Variants in GPHN observed in about 807,000 individuals in gnomAD.
The protein encoded by GPHN is gephyrin.
Under a neutral mutation model 95.5 loss-of-function variants are expected in GPHN, and 17 were observed. The observed-to-expected ratio is 0.18, with a 90% CI of 0.12 to 0.27. The LOEUF (loss-of-function observed/expected upper bound fraction) is 0.27, where lower values mean the gene tolerates loss of function less well. Ranked by LOEUF, GPHN falls within the 10% of genes least tolerant of loss-of-function variation. The probability of loss-of-function intolerance (pLI) is 1.00; values close to 1 mark genes in which losing one functional copy is unlikely to be tolerated. For synonymous variants in GPHN, 320 were observed against 322.5 expected (o/e 0.99, Z 0.08); for missense variants, 660 against 978.1 (o/e 0.67, Z 4.34).
At chr14:67,320,354 G>C in the GPHN span, 147 of 1,612,000 alleles carry the variant, frequency 9.1e-5, no homozygotes, top group Non-Finnish European at 1.2e-4. Context: ...TGCGTCAGAG[G>C]CTCATGAACA....
chr14:67,396,886 C>T, the GPHN span, among the ~76,000 whole-genome samples: 1 of 152,152 alleles, frequency 6.6e-6, no homozygotes, highest in African/African-American at 2.4e-5. Context: ...TTGATTCCTC[C>T]ATGCCTTGCA....
intron 17 of GPHN, among the ~76,000 whole-genome samples, chr14:67,134,933 TTTCTCTTTCTTTCTTTCTTC>T (rs2079961848): frequency 6.7e-6 from 1 of 148,554 alleles, no homozygotes; most frequent in Non-Finnish European, 1.5e-5. Flanking sequence ...TCTCTCTTTT[TTTCTCTTTCTTTCTTTCTTC>T]TTTTTTTTTT....
At chr14:67,235,444 G>A in the GPHN span, among the ~76,000 whole-genome samples, 9 of 152,178 alleles carry the variant, frequency 5.9e-5, no homozygotes, top group East Asian at 1.4e-3. Context: ...GGCCAGGCGC[G>A]GTGGCTCACG....
chr14:66,819,090 A>G (rs1728952433), intron 3 of GPHN, among the ~76,000 whole-genome samples: 1 of 152,188 alleles, frequency 6.6e-6, no homozygotes, highest in South Asian at 2.1e-4. Context: ...TCTTTAGTTT[A>G]ATTAAATCCC....
intron 18 of GPHN, among the ~76,000 whole-genome samples, chr14:67,150,122 C>T (rs1029059689): frequency 1.3e-5 from 2 of 152,044 alleles, no homozygotes; most frequent in South Asian, 2.1e-4. Context: ...TTGAAACTGA[C>T]ATACTATAAA....
chr14:66,638,947 G>A (rs1341022551), intron 1 of GPHN, among the ~76,000 whole-genome samples: 1 of 151,968 alleles, frequency 6.6e-6, no homozygotes, highest in African/African-American at 2.4e-5. Context: ...AGCAGATAAC[G>A]TATTCACATT....
chr14:66,798,872 C>T (rs61989620), intron 3 of GPHN, among the ~76,000 whole-genome samples: 24,462 of 150,840 alleles, frequency 0.16, 2,276 homozygotes, highest in Non-Finnish European at 0.21. Context: ...TTTGGTTTGC[C>T]CTTGCTTGTC....
At chr14:66,755,119 G>C (rs970468944) in intron 2 of GPHN, among the ~76,000 whole-genome samples, 1 of 151,932 alleles carries the variant, frequency 6.6e-6, no homozygotes, top group Admixed American at 6.6e-5. Flanking sequence ...CTATTGGCTG[G>C]TGACTTCACT....
chr14:67,345,241 C>T, the GPHN span, among the ~76,000 whole-genome samples: 6 of 148,648 alleles, frequency 4.0e-5, no homozygotes, highest in South Asian at 2.1e-4. Flanking sequence ...GACCCCATTT[C>T]GAAAAATAAA....
chr14:66,610,771 T>C (rs2062747764), intron 1 of GPHN, among the ~76,000 whole-genome samples: 1 of 152,054 alleles, frequency 6.6e-6, no homozygotes. Context: ...AAGTGGGAAT[T>C]TATAGCCAAT....
intron 4 of GPHN, among the ~76,000 whole-genome samples, chr14:66,878,255 C>T (rs556202845): frequency 6.6e-6 from 1 of 152,174 alleles, no homozygotes; most frequent in Non-Finnish European, 1.5e-5. Flanking sequence ...CATGTAAGAC[C>T]TAAAACTATA....
chr14:67,225,926 A>AGTGTGTGTGTGTGTGTGT, the GPHN span, among the ~76,000 whole-genome samples: 1,420 of 136,662 alleles, frequency 0.01, 24 homozygotes, highest in Non-Finnish European at 0.015. Flanking sequence ...TAATGCTGTG[A>AGTGTGTGTGTGTGTGTGT]GTGTGTGTGT....
At chr14:67,647,709 C>G in the GPHN span, 1 of 197,480 alleles carries the variant, frequency 5.1e-6, no homozygotes. Context: ...TAGATGAGAG[C>G]CCAATCTCAT....
chr14:67,098,193 T>C (rs2077497044), intron 12 of GPHN, among the ~76,000 whole-genome samples: 1 of 151,902 alleles, frequency 6.6e-6, no homozygotes, highest in African/African-American at 2.4e-5. Flanking sequence ...AAGACAAACC[T>C]TGTAACAGGT....
At chr14:66,625,777 G>A (rs1204754477) in intron 1 of GPHN, among the ~76,000 whole-genome samples, 1 of 152,028 alleles carries the variant, frequency 6.6e-6, no homozygotes, top group Non-Finnish European at 1.5e-5. Context: ...TTGTTACTGC[G>A]TTTAGTTTAA....
At chr14:67,161,299 GA>G (rs2081965820) in intron 19 of GPHN, among the ~76,000 whole-genome samples, 1 of 149,080 alleles carries the variant, frequency 6.7e-6, no homozygotes, top group Non-Finnish European at 1.5e-5. Flanking sequence ...TCTCAAAAAA[GA>G]AAAAAAGAAA....
the GPHN span, among the ~76,000 whole-genome samples, chr14:67,548,252 A>G: frequency 1.3e-5 from 2 of 152,236 alleles, no homozygotes; most frequent in African/African-American, 4.8e-5. Flanking sequence ...CAGTTATCCT[A>G]TCAGAAAAGT....
chr14:67,166,072 C>G (rs1266654291), intron 20 of GPHN, among the ~76,000 whole-genome samples: 1 of 151,810 alleles, frequency 6.6e-6, no homozygotes, highest in Non-Finnish European at 1.5e-5. Flanking sequence ...GCTTTTGGAT[C>G]TTTGTTTGTT....
chr14:67,042,264 T>G (rs931388662), intron 10 of GPHN, among the ~76,000 whole-genome samples: 3 of 152,178 alleles, frequency 2.0e-5, no homozygotes, highest in Admixed American at 6.5e-5. Flanking sequence ...TGGCTTTTGT[T>G]GCCATTTCTT....
Sources: gnomAD v4.1 joint callset for allele counts (sites outside exome capture counted in the v4.1 genomes callset) on GRCh38, gnomAD v4.1.1 for gene constraint, MANE v1.5 for transcripts, NCBI Gene and HGNC (gene_info 2026-07-23, HGNC 2026-07-21) for gene names.